KLHL1: variants seen among roughly 807,000 people sequenced by gnomAD.
The protein encoded by KLHL1 is kelch-like protein 1.
Under a neutral mutation model 77.7 loss-of-function variants are expected in KLHL1, and 47 were observed. The ratio of observed to expected loss-of-function variants is 0.60; its 90% CI spans 0.48 to 0.77. KLHL1 has a LOEUF of 0.77. KLHL1 is among the 30% of genes least tolerant of loss of function. The pLI, the probability that KLHL1 is intolerant of heterozygous loss-of-function variation, is 0.00. For synonymous variants in KLHL1, 360 were observed against 325.2 expected (o/e 1.11, Z -1.15); for missense variants, 925 against 910.8 (o/e 1.02, Z -0.20).
chr13:70,080,429 C>T (rs899245578), intron 1 of KLHL1, among the ~76,000 whole-genome samples: 5 of 152,156 alleles, frequency 3.3e-5, no homozygotes, highest in African/African-American at 4.8e-5. Context: ...CTTTCTATAT[C>T]TACCAGATAA....
chr13:69,975,279 G>C (rs937036335), intron 2 of KLHL1, among the ~76,000 whole-genome samples: 3 of 151,912 alleles, frequency 2.0e-5, no homozygotes, highest in Non-Finnish European at 4.4e-5. Flanking sequence ...TCCTGAATTA[G>C]CGTGCCTAAA....
At position 69,983,589 on chromosome 13, in the gene KLHL1, A is replaced by AAAAAAAAAAAAAAAAAAAAAG. The variant is rs1216543322; in HGVS notation, c.498-7788_498-7787insCTTTTTTTTTTTTTTTTTTTT. 2.1e-3 allele frequency among the ~76,000 whole-genome samples: 280 copies of AAAAAAAAAAAAAAAAAAAAAG among 131,970 alleles called. 4 individuals carry two copies. Among genetic ancestry groups the AAAAAAAAAAAAAAAAAAAAAG allele is most frequent in the African/African-American group, 9.5e-3 (254 of 26,668 alleles). The allele number at this position is 131,970 out of a possible 152,430, so 86.6% of individuals were successfully genotyped here. Reference sequence around the variant, plus strand: ...ACCCTATCTTTACAAAAAAAAAAAAAAAGAAGAAGAAGAAGAGAAAAAAAA... The same window carrying AAAAAAAAAAAAAAAAAAAAAG: ...ACCCTATCTTTACAAAAAAAAAAAAAAAAAAAAAAAAAAAAAAAAAGAAGAAGAAGAAGAAGAGAAAAAAAA... On this transcript the variant is annotated intron_variant, in intron 1 of 10. Transcript: ENST00000377844.
At chr13:69,909,534 A>G (rs929741448) in intron 4 of KLHL1, among the ~76,000 whole-genome samples, 9 of 151,928 alleles carry the variant, frequency 5.9e-5, no homozygotes, top group Non-Finnish European at 1.2e-4. Flanking sequence ...TTTTGGGGAT[A>G]ATTTTTTTTT....
intron 5 of KLHL1, among the ~76,000 whole-genome samples, chr13:69,881,914 A>G (rs984630803): frequency 6.6e-6 from 1 of 152,206 alleles, no homozygotes; most frequent in Non-Finnish European, 1.5e-5. Context: ...TGCATCTTAT[A>G]TCAAATAATT....
intron 7 of KLHL1, among the ~76,000 whole-genome samples, chr13:69,749,421 G>A (rs1275195037): frequency 1.3e-5 from 2 of 151,764 alleles, no homozygotes; most frequent in Non-Finnish European, 1.5e-5. Flanking sequence ...GATGTTTTAT[G>A]TTGCCAAAAT....
At chr13:69,908,789 T>G (rs1010393545) in intron 4 of KLHL1, among the ~76,000 whole-genome samples, 6 of 151,416 alleles carry the variant, frequency 4.0e-5, no homozygotes, top group African/African-American at 1.4e-4. Context: ...AATAAATTCC[T>G]TTTTTATCAA....
At chr13:69,976,895 G>A (rs962968790) in intron 1 of KLHL1, among the ~76,000 whole-genome samples, 1 of 152,044 alleles carries the variant, frequency 6.6e-6, no homozygotes, top group Non-Finnish European at 1.5e-5. Context: ...ATTATTCACT[G>A]CGTATTCTTT....
intron 6 of KLHL1, chr13:69,802,818 G>A (rs1452387847): frequency 6.6e-6 from 1 of 152,056 alleles, no homozygotes; most frequent in Non-Finnish European, 1.5e-5. Context: ...CGATGCTCCC[G>A]GCTGAATAAA....
At chr13:69,989,912 G>T (rs900568684) in intron 1 of KLHL1, among the ~76,000 whole-genome samples, 6 of 151,968 alleles carry the variant, frequency 3.9e-5, no homozygotes, top group African/African-American at 1.4e-4. Flanking sequence ...TGTAAACAGG[G>T]ATAGTTTGAT....
chr13:69,975,889 T>C (rs1884532436), intron 1 of KLHL1, 87 bp from the exon 2 acceptor site: 1 of 1,380,604 alleles, frequency 7.2e-7, no homozygotes, highest in Admixed American at 3.3e-5. Flanking sequence ...TACAGGTTTT[T>C]ATCATTTTCT....
chr13:70,010,708 TG>T (rs769671167), intron 1 of KLHL1, among the ~76,000 whole-genome samples: 28 of 151,762 alleles, frequency 1.8e-4, no homozygotes, highest in Non-Finnish European at 2.9e-4. Flanking sequence ...CTGGCCAATA[TG>T]GTGAAACCCC....
intron 8 of KLHL1, among the ~76,000 whole-genome samples, chr13:69,721,062 G>GATATATATATAT (rs753780468): frequency 4.8e-5 from 1 of 20,632 alleles, no homozygotes; most frequent in Non-Finnish European, 1.5e-4. Flanking sequence ...TAGCTACTAA[G>GATATATATATAT]ATATATATAT....
At chr13:69,881,876 C>T (rs1027428562) in intron 5 of KLHL1, among the ~76,000 whole-genome samples, 16 of 152,184 alleles carry the variant, frequency 1.1e-4, no homozygotes, top group East Asian at 7.7e-4. Context: ...ACAATATATG[C>T]ATTTACATCA....
chr13:70,104,478 G>C (rs992987731), intron 1 of KLHL1, among the ~76,000 whole-genome samples: 6 of 152,056 alleles, frequency 3.9e-5, no homozygotes, highest in African/African-American at 1.4e-4. Context: ...TGTTCTAACC[G>C]GTTTACTCAA....
chr13:69,751,112 A>ATGTGTGTG lies in KLHL1; in HGVS notation c.1640-10564_1640-10557dup, dbSNP rs56689981. On this transcript the variant is annotated intron_variant, in intron 7 of 10. Transcript: ENST00000377844. Reference sequence around the variant, plus strand: ...TATCTTTCATTCATGTCATGTGTGTATGTGTGTGTGTGTGTGTGTGTGTGT... The same window carrying ATGTGTGTG: ...TATCTTTCATTCATGTCATGTGTGTATGTGTGTGTGTGTGTGTGTGTGTGTGTGTGTGT... Among the ~76,000 whole-genome samples, 222 of 141,168 alleles carry ATGTGTGTG rather than the reference A, an allele frequency of 1.6e-3. 1 individual carries two copies. Among genetic ancestry groups the ATGTGTGTG allele is most frequent in the African/African-American group, 4.9e-3 (187 of 38,498 alleles). The allele number at this position is 141,168 out of a possible 152,430, so 92.6% of individuals were successfully genotyped here. A position where few individuals can be genotyped will look rare whatever the true frequency, so the allele number is the denominator to read the frequency against.
chr13:69,835,009 T>C (rs895189978), intron 6 of KLHL1, among the ~76,000 whole-genome samples: 2 of 152,144 alleles, frequency 1.3e-5, no homozygotes, highest in African/African-American at 4.8e-5. Flanking sequence ...AAGTTATAAC[T>C]GAAAATAGTA....
At chr13:69,946,756 T>C (rs892064929) in intron 3 of KLHL1, among the ~76,000 whole-genome samples, 3 of 152,090 alleles carry the variant, frequency 2.0e-5, no homozygotes, top group African/African-American at 7.2e-5. Context: ...CAAGCCATCC[T>C]CTTGCTCTGG....
At chr13:69,922,682 G>A (rs999385491) in intron 4 of KLHL1, among the ~76,000 whole-genome samples, 6 of 152,040 alleles carry the variant, frequency 3.9e-5, no homozygotes, top group African/African-American at 2.4e-5. Flanking sequence ...CATATTTATA[G>A]GGATACAGAT....
In KLHL1 at chr13:69,889,333, T is replaced by C. The variant is rs1290095333; in HGVS notation, c.1015-6838A>G. Among the ~76,000 whole-genome samples, 3 of 152,074 alleles carry C rather than the reference T, an allele frequency of 2.0e-5. No homozygotes were observed. In the East Asian group the frequency reaches 5.8e-4, roughly 29 times the overall value. On this transcript the variant is annotated intron_variant, in intron 4 of 10. Coordinates refer to ENST00000377844, the MANE Select transcript of KLHL1 (RefSeq NM_020866.3). ...TTTCAAAGGGAATGGAAACTCATTA[T>C]GAGATTATCACAACTTGTTATTTTA...
Sources: allele counts gnomAD v4.1 joint callset (sites outside exome capture counted in the v4.1 genomes callset), GRCh38; gene constraint gnomAD v4.1.1; transcripts MANE v1.5; gene names NCBI Gene and HGNC (gene_info 2026-07-23, HGNC 2026-07-21).